The following NBEA variants were observed in gnomAD, a reference collection of about 807,000 sequenced individuals.
The protein encoded by NBEA is lysosomal-trafficking regulator 2.
In NBEA, 44 loss-of-function variants were observed where a neutral mutation model predicts 343.4. The ratio of observed to expected loss-of-function variants is 0.13; its 90% CI spans 0.10 to 0.16. The LOEUF is 0.16. NBEA is among the 10% of genes least tolerant of loss of function. NBEA has a pLI of 1.00. For missense variants in NBEA, 2,555 were observed against 3,631.3 expected (o/e 0.70, Z 7.62); for synonymous variants, 1,175 against 1,238.7 (o/e 0.95, Z 1.08).
At chr13:35,043,785 C>T (rs1361381673) in intron 2 of NBEA, among the ~76,000 whole-genome samples, 1 of 151,756 alleles carries the variant, frequency 6.6e-6, no homozygotes, top group Non-Finnish European at 1.5e-5. Context: ...TTTTTAAAGT[C>T]TCAAATTCCA....
chr13:35,098,716 CACTT>C (rs1259726586), intron 11 of NBEA, among the ~76,000 whole-genome samples: 17 of 152,074 alleles, frequency 1.1e-4, no homozygotes, highest in Non-Finnish European at 2.4e-4. Flanking sequence ...TCTAAGGTGT[CACTT>C]ACCCATGGTC....
chr13:35,349,672 T>G (rs1486985285), intron 37 of NBEA, among the ~76,000 whole-genome samples: 1 of 152,074 alleles, frequency 6.6e-6, no homozygotes, highest in Non-Finnish European at 1.5e-5. Flanking sequence ...CAAGACAAAA[T>G]AGGTCCGAGA....
intron 41 of NBEA, among the ~76,000 whole-genome samples, chr13:35,502,293 G>A (rs1224939915): frequency 6.6e-6 from 1 of 151,850 alleles, no homozygotes; most frequent in Non-Finnish European, 1.5e-5. Context: ...CATATGCTTC[G>A]AACTCAACAA....
At chr13:35,336,273 A>T (rs2039252057) in intron 36 of NBEA, among the ~76,000 whole-genome samples, 1 of 152,110 alleles carries the variant, frequency 6.6e-6, no homozygotes, top group Non-Finnish European at 1.5e-5. Flanking sequence ...TTGCAAGGAG[A>T]CAAATTAAAA....
intron 34 of NBEA, among the ~76,000 whole-genome samples, chr13:35,246,375 A>G (rs1401486359): frequency 1.3e-5 from 2 of 152,038 alleles, no homozygotes; most frequent in Non-Finnish European, 2.9e-5. Context: ...TTGTCATATT[A>G]CGCAAATTAT....
intron 10 of NBEA, among the ~76,000 whole-genome samples, chr13:35,074,164 C>A (rs1022294639): frequency 6.6e-6 from 1 of 152,090 alleles, no homozygotes; most frequent in Admixed American, 6.6e-5. Context: ...TTGAGCATAA[C>A]TCAAACTCTG....
intron 34 of NBEA, among the ~76,000 whole-genome samples, chr13:35,247,266 C>T (rs1176631526): frequency 6.6e-6 from 1 of 152,216 alleles, no homozygotes; most frequent in Non-Finnish European, 1.5e-5. Flanking sequence ...CATGTCTTCA[C>T]ACTGAATTCT....
chr13:35,267,186 A>G (rs573705448), intron 34 of NBEA, among the ~76,000 whole-genome samples: 2 of 151,994 alleles, frequency 1.3e-5, no homozygotes, highest in African/African-American at 4.8e-5. Flanking sequence ...ATATAAGTGG[A>G]CACAGGCAGT....
chr13:35,650,561 G>T lies in NBEA; in HGVS notation c.7963+714G>T, dbSNP rs146393618. Among the ~76,000 whole-genome samples the T allele has an allele frequency of 3.7e-4, 56 of 152,242 alleles. No homozygotes were observed. In the East Asian group the frequency reaches 9.8e-3, roughly 27 times the overall value. ...TACTAAAACTACAAAAATTAACCAG[G>T]CACAGTGGCAGGCACCTGTAATCCC... is the stretch of plus-strand genomic sequence containing the variant. On this transcript the variant is annotated intron_variant, in intron 52 of 58. Transcript: ENST00000379939.
chr13:35,629,607 A>AGAAT (rs1439665154), intron 49 of NBEA, among the ~76,000 whole-genome samples: 1 of 152,216 alleles, frequency 6.6e-6, no homozygotes, highest in Non-Finnish European at 1.5e-5. Flanking sequence ...ACATAGAGAC[A>AGAAT]GAATGAATGA....
At chr13:35,253,885 A>G (rs1053568806) in intron 34 of NBEA, among the ~76,000 whole-genome samples, 6 of 152,130 alleles carry the variant, frequency 3.9e-5, no homozygotes. Flanking sequence ...TGGTATTGTC[A>G]TTGTCATCTG....
chr13:35,558,178 A>T (rs1329914071), intron 44 of NBEA, among the ~76,000 whole-genome samples: 1 of 152,210 alleles, frequency 6.6e-6, no homozygotes, highest in Non-Finnish European at 1.5e-5. Flanking sequence ...TACAGAAGCA[A>T]GTAAAGTATG....
chr13:35,177,188 A>T (rs978688963), intron 28 of NBEA, 85 bp downstream of exon 28: 10 of 1,000,192 alleles, frequency 1.0e-5, no homozygotes, highest in African/African-American at 9.7e-5. Flanking sequence ...GCTGCTTATG[A>T]AAACGACATT....
At chr13:34,969,316 TAAA>T (rs879643826) in intron 1 of NBEA, among the ~76,000 whole-genome samples, 3 of 146,666 alleles carry the variant, frequency 2.0e-5, no homozygotes, top group Non-Finnish European at 3.0e-5. Context: ...TTTTGGTTTT[TAAA>T]AAAAAAAAAC....
chr13:35,169,052 T>A (rs1438730394), intron 25 of NBEA, 57 bp downstream of exon 25: 1 of 1,346,856 alleles, frequency 7.4e-7, no homozygotes, highest in Non-Finnish European at 1.0e-6. Flanking sequence ...TATTTTTACT[T>A]ATTTATGAAA....
At chr13:35,443,376 T>C (rs542614395) in intron 39 of NBEA, among the ~76,000 whole-genome samples, 1 of 152,048 alleles carries the variant, frequency 6.6e-6, no homozygotes, top group African/African-American at 2.4e-5. Context: ...GAACCAAGTT[T>C]ATTATAAATT....
intron 44 of NBEA, among the ~76,000 whole-genome samples, chr13:35,559,367 T>G (rs1214225140): frequency 6.6e-6 from 1 of 152,180 alleles, no homozygotes; most frequent in African/African-American, 2.4e-5. Flanking sequence ...ATCATACTAT[T>G]TTATAACACT....
intron 30 of NBEA, among the ~76,000 whole-genome samples, chr13:35,192,215 A>G (rs1316126232): frequency 1.3e-5 from 2 of 152,046 alleles, no homozygotes; most frequent in African/African-American, 4.8e-5. Context: ...TCCTATTTGA[A>G]TCATGGATTA....
chr13:35,202,532 A>T (rs1012032853), intron 31 of NBEA, among the ~76,000 whole-genome samples: 2 of 152,180 alleles, frequency 1.3e-5, no homozygotes, highest in African/African-American at 4.8e-5. Flanking sequence ...AGGATAAACC[A>T]TGATGTACAC....
Sources: allele counts gnomAD v4.1 joint callset (sites outside exome capture counted in the v4.1 genomes callset), GRCh38; gene constraint gnomAD v4.1.1; transcripts MANE v1.5; gene names NCBI Gene and HGNC (gene_info 2026-07-23, HGNC 2026-07-21).